The following TRPM3 variants were observed in gnomAD, a reference collection of about 807,000 sequenced individuals.
TRPM3 encodes long transient receptor potential channel 3.
Under a neutral mutation model 181.2 loss-of-function variants are expected in TRPM3, and 77 were observed. That is an observed-to-expected ratio of 0.42 (90% CI 0.35 to 0.51). The LOEUF is 0.51. Ranked by LOEUF, TRPM3 falls within the 20% of genes least tolerant of loss-of-function variation. The pLI, the probability that TRPM3 is intolerant of heterozygous loss-of-function variation, is 0.01. For synonymous variants in TRPM3, 745 were observed against 796.4 expected (o/e 0.94, Z 1.09); for missense variants, 1,759 against 2,196.7 (o/e 0.80, Z 3.98).
chr9:71,385,121 C>T (rs2092896579), intron 1 of TRPM3, among the ~76,000 whole-genome samples: 1 of 152,054 alleles, frequency 6.6e-6, no homozygotes, highest in Admixed American at 6.6e-5. Context: ...CTTTGAGTAG[C>T]ACAAGGGGAG....
chr9:70,998,135 A>G (rs980753145), intron 1 of TRPM3, among the ~76,000 whole-genome samples: 35 of 58,734 alleles, frequency 6.0e-4, no homozygotes, highest in African/African-American at 1.6e-3. Flanking sequence ...ATATATACAT[A>G]TATATACACA....
chr9:71,134,513 G>A (rs1412424357), intron 1 of TRPM3, among the ~76,000 whole-genome samples: 1 of 144,728 alleles, frequency 6.9e-6, no homozygotes, highest in African/African-American at 2.6e-5. Context: ...GATCGTGACA[G>A]TGCACTATAG....
intron 1 of TRPM3, among the ~76,000 whole-genome samples, chr9:71,192,020 A>C (rs1350736138): frequency 6.6e-6 from 1 of 151,846 alleles, no homozygotes; most frequent in Non-Finnish European, 1.5e-5. Context: ...TCAGTCTTCA[A>C]CTAAAGGAAG....
chr9:70,950,341 G>T (rs185753590), intron 1 of TRPM3, among the ~76,000 whole-genome samples: 9 of 152,218 alleles, frequency 5.9e-5, no homozygotes, highest in Admixed American at 2.6e-4. Context: ...GCTCATGATG[G>T]TATTATTTTT....
intron 7 of TRPM3, chr9:70,776,478 A>G (rs1311952637): frequency 1.5e-6 from 1 of 676,750 alleles, no homozygotes; most frequent in Non-Finnish European, 2.7e-6. Context: ...GATTGGTTAT[A>G]TATTTTGAGC....
rs538011997 is a variant in TRPM3, at chr9:70,530,657, G to T, written c.*5296C>A. ...CTTTCATTAGCAGTGATGAGTGCAAGGAAATCATCAGAGAAAAGGTAACAC... is the reference window on the plus strand; with the variant it reads ...CTTTCATTAGCAGTGATGAGTGCAATGAAATCATCAGAGAAAAGGTAACAC... On this transcript the variant is annotated 3_prime_UTR_variant, in exon 26 of 26. Transcript: ENST00000677713. 5 of 152,170 alleles carry T rather than the reference G, an allele frequency of 3.3e-5. No individual in the cohort carries two copies. Among genetic ancestry groups the T allele is most frequent in the Non-Finnish European group, 7.3e-5 (5 of 68,038 alleles). 9.4% of individuals were successfully genotyped at this position (152,170 alleles called of 1,614,324 possible).
chr9:70,971,026 C>A (rs907212702), intron 1 of TRPM3, among the ~76,000 whole-genome samples: 2 of 152,146 alleles, frequency 1.3e-5, no homozygotes, highest in African/African-American at 4.8e-5. Flanking sequence ...TTTCTTATCC[C>A]ACTCGCTGTT....
chr9:71,351,683 G>A (rs2091633626), intron 1 of TRPM3, among the ~76,000 whole-genome samples: 1 of 152,122 alleles, frequency 6.6e-6, no homozygotes, highest in East Asian at 1.9e-4. Flanking sequence ...AGGAAGCTAT[G>A]ATTTACATAA....
intron 1 of TRPM3, among the ~76,000 whole-genome samples, chr9:71,420,378 T>C (rs529356469): frequency 1.3e-5 from 2 of 151,706 alleles, no homozygotes; most frequent in Non-Finnish European, 2.9e-5. Context: ...TTGGGGGAAA[T>C]GTGAAAAGGG....
chr9:70,808,639 G>A, intron 6 of TRPM3, among the ~76,000 whole-genome samples: 1 of 152,180 alleles, frequency 6.6e-6, no homozygotes, highest in Admixed American at 6.5e-5. Flanking sequence ...TGAAAAAGCA[G>A]GGATATAGAT....
At chr9:70,675,856 T>C (rs1375970668) in intron 9 of TRPM3, among the ~76,000 whole-genome samples, 1 of 152,140 alleles carries the variant, frequency 6.6e-6, no homozygotes, top group Non-Finnish European at 1.5e-5. Flanking sequence ...ATTGTGGAGG[T>C]TTTTGATTAC....
In TRPM3 at chr9:71,026,497, A is replaced by G. The variant is rs79970741; in HGVS notation, c.177+94681T>C. Among the ~76,000 whole-genome samples the G allele has an allele frequency of 2.6e-5, 4 of 151,832 alleles. No individual in the cohort carries two copies. The South Asian group carries it at 8.3e-4, about 32-fold the overall frequency. On this transcript the variant is annotated intron_variant, in intron 1 of 25. Coordinates refer to ENST00000677713, the MANE Select transcript of TRPM3 (RefSeq NM_001366145.2). ...GTACTCGCCCATGGCCACCACCCAC[A>G]TTGTTTTCCTGGCAGCCATGTTTGC...
At chr9:70,563,846 A>T (rs867475681) in intron 22 of TRPM3, among the ~76,000 whole-genome samples, 107 of 152,122 alleles carry the variant, frequency 7.0e-4, no homozygotes, top group African/African-American at 2.4e-3. Flanking sequence ...ACTTTACAAA[A>T]CCACTTCTGG....
chr9:70,669,688 G>A (rs775708058), intron 9 of TRPM3, among the ~76,000 whole-genome samples: 4 of 151,990 alleles, frequency 2.6e-5, no homozygotes, highest in Non-Finnish European at 5.9e-5. Flanking sequence ...TGTCTGAAAA[G>A]AGAAGAGGTG....
chr9:71,340,833 C>A (rs77142429), intron 1 of TRPM3, among the ~76,000 whole-genome samples: 1 of 152,010 alleles, frequency 6.6e-6, no homozygotes, highest in Non-Finnish European at 1.5e-5. Flanking sequence ...GAAACCAGGG[C>A]TCCTTGTAGA....
chr9:71,419,722 T>C (rs2093696840), intron 1 of TRPM3, among the ~76,000 whole-genome samples: 1 of 151,960 alleles, frequency 6.6e-6, no homozygotes, highest in African/African-American at 2.4e-5. Flanking sequence ...AAATGTTAAA[T>C]CTTATGTTAT....
intron 1 of TRPM3, among the ~76,000 whole-genome samples, chr9:70,987,693 A>C (rs1055535847): frequency 6.6e-6 from 1 of 152,164 alleles, no homozygotes; most frequent in Non-Finnish European, 1.5e-5. Context: ...TTGTTAATCT[A>C]GTAATCGATT....
chr9:70,987,973 T>C (rs1326283131), intron 1 of TRPM3, among the ~76,000 whole-genome samples: 1 of 152,138 alleles, frequency 6.6e-6, no homozygotes, highest in Non-Finnish European at 1.5e-5. Context: ...TAATTTATTA[T>C]CATTGCACAG....
At chr9:70,872,814 C>A (rs536354598) in intron 1 of TRPM3, among the ~76,000 whole-genome samples, 33 of 152,016 alleles carry the variant, frequency 2.2e-4, no homozygotes, top group Admixed American at 1.0e-3. Flanking sequence ...AGGATGTAGG[C>A]AAATCATCTG....
Sources: gnomAD v4.1 joint callset for allele counts (sites outside exome capture counted in the v4.1 genomes callset) on GRCh38, gnomAD v4.1.1 for gene constraint, MANE v1.5 for transcripts, NCBI Gene and HGNC (gene_info 2026-07-23, HGNC 2026-07-21) for gene names.